TMEM196: variants seen among roughly 807,000 people sequenced by gnomAD.
TMEM196 encodes the protein transmembrane protein 196.
Under a neutral mutation model 20.0 loss-of-function variants are expected in TMEM196, and 17 were observed. The ratio of observed to expected loss-of-function variants is 0.85; its 90% CI spans 0.58 to 1.27. The LOEUF (loss-of-function observed/expected upper bound fraction) is 1.27. Ranked by LOEUF, TMEM196 falls within the 50% of genes most tolerant of loss-of-function variation. TMEM196 has a pLI of 0.00. For synonymous variants in TMEM196, 113 were observed against 88.9 expected, an observed-to-expected ratio of 1.27 and a Z score of -1.52; for missense variants, 267 against 223.0, an observed-to-expected ratio of 1.20 and a Z score of -1.26.
rs540447998 is a variant in TMEM196 at position 19,721,441 on chromosome 7, A to G, written c.*687T>C. 1 of 152,280 alleles carries G rather than the reference A, an allele frequency of 6.6e-6. No individual in the cohort carries two copies. The highest frequency in any genetic ancestry group is 6.5e-5 in the Admixed American group (1 of 15,282). 9.4% of individuals were successfully genotyped at this position (152,280 alleles called of 1,614,324 possible). A position where few individuals can be genotyped will look rare whatever the true frequency, so the allele number is the denominator to read the frequency against. On this transcript the variant is annotated 3_prime_UTR_variant, in exon 5 of 5. Coordinates refer to ENST00000405844, the MANE Select transcript of TMEM196 (RefSeq NM_001363562.2). ...GATCAAAACATGTTTATTTTCTTAA[A>G]TGATATTCACATATAACTTTTCACT... is the stretch of plus-strand genomic sequence containing the variant.
chr7:19,772,657 G>T lies in TMEM196; in HGVS notation c.40C>A (p.Leu14Ile). 1.3e-6 allele frequency: 2 copies of T among 1,541,628 alleles called. No homozygotes were observed. The highest frequency in any genetic ancestry group is 1.8e-6 in the Non-Finnish European group (2 of 1,142,396). ...SGQIIGSLLV[L>I]SVLEIGLGVS... ...CCCAGCCCTATCTCCAGCACGGAGA[G>T]CACCAAGAGGCTCCCAATAATCTGA... The change falls in exon 1 of 5, where the codon CTC becomes ATC. Residue 14 changes from leucine to isoleucine, a missense_variant. By Grantham distance (5) the Leu-to-Ile change is conservative. Coordinates refer to ENST00000405844, the MANE Select transcript of TMEM196 (RefSeq NM_001363562.2).
intron 2 of TMEM196, among the ~76,000 whole-genome samples, chr7:19,726,860 G>A (rs1562606186): frequency 1.3e-5 from 2 of 151,588 alleles, no homozygotes; most frequent in African/African-American, 2.4e-5. Context: ...CATTCTTCTC[G>A]GGAACACAGA....
At chr7:19,724,385 A>G (rs1783918144) in intron 3 of TMEM196, 32 bp from the exon 4 acceptor site, 2 of 1,538,144 alleles carry the variant, frequency 1.3e-6, no homozygotes, top group African/African-American at 1.4e-5. Flanking sequence ...TACAATAAAT[A>G]TTGCACAAAT....
chr7:19,771,761 C>T (rs181897113), intron 1 of TMEM196, among the ~76,000 whole-genome samples: 185 of 152,026 alleles, frequency 1.2e-3, no homozygotes, highest in Non-Finnish European at 2.2e-3. Flanking sequence ...GGAGATTCAT[C>T]CTAGTAAAAA....
intron 1 of TMEM196, among the ~76,000 whole-genome samples, chr7:19,732,588 A>C (rs954890714): frequency 1.1e-4 from 13 of 118,014 alleles, no homozygotes; most frequent in South Asian, 3.1e-4. Flanking sequence ...AAAAAAACAA[A>C]AAAAAAAAAA....
At chr7:19,751,712 G>T (rs1471072705) in intron 1 of TMEM196, among the ~76,000 whole-genome samples, 1 of 152,126 alleles carries the variant, frequency 6.6e-6, no homozygotes, top group Non-Finnish European at 1.5e-5. Flanking sequence ...AGCATCTGAT[G>T]GGTACAGACC....
At chr7:19,741,126 T>G (rs1276763200) in intron 1 of TMEM196, among the ~76,000 whole-genome samples, 3 of 152,174 alleles carry the variant, frequency 2.0e-5, no homozygotes, top group African/African-American at 7.2e-5. Context: ...TTATGCTCTG[T>G]GACGGGCGAG....
At chr7:19,735,852 T>A (rs1583427335) in intron 1 of TMEM196, among the ~76,000 whole-genome samples, 1 of 152,266 alleles carries the variant, frequency 6.6e-6, no homozygotes, top group East Asian at 1.9e-4. Flanking sequence ...AGAGGAGATA[T>A]ACTCATTAGA....
At chr7:19,768,331 A>G (rs1055174016) in intron 1 of TMEM196, among the ~76,000 whole-genome samples, 31 of 152,128 alleles carry the variant, frequency 2.0e-4, no homozygotes, top group African/African-American at 7.0e-4. Context: ...AGCATAATAT[A>G]TATAAAATAC....
chr7:19,733,903 A>G (rs1784300595), intron 1 of TMEM196, among the ~76,000 whole-genome samples: 1 of 152,200 alleles, frequency 6.6e-6, no homozygotes, highest in Non-Finnish European at 1.5e-5. Context: ...TGACAACAAC[A>G]AAACACTTTC....
intron 1 of TMEM196, among the ~76,000 whole-genome samples, chr7:19,749,766 C>A (rs1473022401): frequency 1.3e-5 from 2 of 152,118 alleles, no homozygotes; most frequent in Non-Finnish European, 2.9e-5. Context: ...GTTCGTACCT[C>A]CAAATACACA....
At chr7:19,725,478 T>G in intron 3 of TMEM196, 36 bp downstream of exon 3, 2 of 1,571,074 alleles carry the variant, frequency 1.3e-6, no homozygotes, top group Non-Finnish European at 1.7e-6. Context: ...GTCTTCATCA[T>G]GTGCTAGCAG....
At chr7:19,724,426 A>T (rs1783919570) in intron 3 of TMEM196, 73 bp from the exon 4 acceptor site, 3 of 1,384,964 alleles carry the variant, frequency 2.2e-6, no homozygotes, top group Non-Finnish European at 3.0e-6. Flanking sequence ...GACTAGTATA[A>T]AATAAAGCAC....
intron 1 of TMEM196, among the ~76,000 whole-genome samples, chr7:19,760,641 G>T (rs1785400586): frequency 6.6e-6 from 1 of 152,070 alleles, no homozygotes; most frequent in Admixed American, 6.6e-5. Flanking sequence ...GATTATAGGC[G>T]TGAGCCACTG....
chr7:19,723,143 G>T (rs917774068), intron 4 of TMEM196, among the ~76,000 whole-genome samples: 1 of 152,104 alleles, frequency 6.6e-6, no homozygotes, highest in African/African-American at 2.4e-5. Flanking sequence ...TCCTAGAGAG[G>T]TATGTGATGA....
At chr7:19,737,753 G>A (rs1444974208) in intron 1 of TMEM196, among the ~76,000 whole-genome samples, 1 of 151,852 alleles carries the variant, frequency 6.6e-6, no homozygotes, top group African/African-American at 2.4e-5. Flanking sequence ...AGGGTTTCAG[G>A]GAGGTAAAGG....
chr7:19,752,099 C>G (rs917247511), intron 1 of TMEM196, among the ~76,000 whole-genome samples: 2 of 152,146 alleles, frequency 1.3e-5, no homozygotes, highest in African/African-American at 4.8e-5. Flanking sequence ...CAGATTGTGT[C>G]GATGCTCCAA....
At position 19,721,931 on chromosome 7, in the gene TMEM196, G is replaced by T. The variant is rs964936481; in HGVS notation, c.*197C>A. On this transcript the variant is annotated 3_prime_UTR_variant, in exon 5 of 5. Coordinates refer to ENST00000405844, the MANE Select transcript of TMEM196 (RefSeq NM_001363562.2). ...AAAAAAGGGTGGAGAAACCAGTGAGGCAATATATTTTTTAGGAAGAATAAT... is the reference window on the plus strand; with the variant it reads ...AAAAAAGGGTGGAGAAACCAGTGAGTCAATATATTTTTTAGGAAGAATAAT... 1 of 692,316 alleles carries T rather than the reference G, an allele frequency of 1.4e-6. No homozygotes were observed. The highest frequency in any genetic ancestry group is 2.3e-6 in the Non-Finnish European group (1 of 425,950). The allele number at this position is 692,316 out of a possible 1,614,324, so 42.9% of individuals were successfully genotyped here.
intron 1 of TMEM196, among the ~76,000 whole-genome samples, chr7:19,749,659 G>A (rs1478722661): frequency 6.6e-6 from 1 of 152,164 alleles, no homozygotes; most frequent in Non-Finnish European, 1.5e-5. Context: ...TGCAAGGAGA[G>A]AACAAGGCCT....
Sources: allele counts gnomAD v4.1 joint callset (sites outside exome capture counted in the v4.1 genomes callset), GRCh38; gene constraint gnomAD v4.1.1; transcripts MANE v1.5; gene names NCBI Gene and HGNC (gene_info 2026-07-23, HGNC 2026-07-21).